Variants in AKAP1 observed in about 807,000 individuals in gnomAD.
AKAP1 encodes A-kinase anchor protein 1, mitochondrial.
In AKAP1, 32 loss-of-function variants were observed where a neutral mutation model predicts 79.8. The ratio of observed to expected loss-of-function variants is 0.40; its 90% CI spans 0.30 to 0.54. The LOEUF is 0.54. Ranked by LOEUF, AKAP1 falls within the 20% of genes least tolerant of loss-of-function variation. AKAP1 has a pLI of 0.47. For missense variants in AKAP1, 961 were observed against 1,138.9 expected (o/e 0.84, Z 2.25); for synonymous variants, 416 against 466.7 (o/e 0.89, Z 1.40).
At chr17:57,117,106 C>G (rs1055198564) in intron 8 of AKAP1, among the ~76,000 whole-genome samples, 179 bp downstream of exon 8, 2 of 152,198 alleles carry the variant, frequency 1.3e-5, no homozygotes, top group African/African-American at 4.8e-5. Context: ...TATCAAGTTC[C>G]CAGGTGAGAC....
rs72843416 is a variant in AKAP1 at position 57,086,466 on chromosome 17, C to T, written c.-25+1068C>T. On this transcript the variant is annotated intron_variant, in intron 1 of 10. Coordinates refer to ENST00000337714, the MANE Select transcript of AKAP1 (RefSeq NM_003488.4). The surrounding 1 kb of genome is among the most constrained non-coding windows in gnomAD (Gnocchi z 5.1). ...GCCCTGGGCGTTTCGGGATCTTCCT[C>T]TCCTGGGGGATGTCCTGGGTGGCGG... 39,202 of 456,020 alleles carry T rather than the reference C, an allele frequency of 0.086. 2,099 individuals carry two copies. Among genetic ancestry groups the T allele is most frequent in the Non-Finnish European group, 0.11 (25,371 of 226,670 alleles). The allele number at this position is 456,020 out of a possible 1,614,324, so 28.2% of individuals were successfully genotyped here.
Position 57,105,585 on chromosome 17 carries a change from G to C in AKAP1, c.121G>C (p.Val41Leu), listed in dbSNP as rs758593153. The C allele has an allele frequency of 1.9e-6, 3 of 1,614,146 alleles. No individual in the cohort carries two copies. The highest frequency in any genetic ancestry group is 3.3e-5 in the Admixed American group (2 of 60,022). The change falls in exon 2 of 11, where the codon GTG becomes CTG. Residue 41 changes from valine (V) to leucine (L), a missense_variant. Val to Leu is a conservative substitution (Grantham distance 32, BLOSUM62 1). Coordinates refer to ENST00000337714, the MANE Select transcript of AKAP1 (RefSeq NM_003488.4). ...GHVSSHDEQQ[V>L]EAGAVQLRAD... ...TGTCAGCAGCCATGATGAGCAGCAGGTGGAGGCTGGTGCTGTGCAGCTGAG... is the reference window on the plus strand; with the variant it reads ...TGTCAGCAGCCATGATGAGCAGCAGCTGGAGGCTGGTGCTGTGCAGCTGAG...
chr17:57,101,568 C>T (rs1914516608), intron 1 of AKAP1: 1 of 152,176 alleles, frequency 6.6e-6, no homozygotes, highest in South Asian at 2.1e-4. Flanking sequence ...CTGCTGGGGT[C>T]TCACTCTAAG....
intron 10 of AKAP1, among the ~76,000 whole-genome samples, chr17:57,119,402 A>C (rs1193427480): frequency 6.6e-6 from 1 of 152,036 alleles, no homozygotes; most frequent in Non-Finnish European, 1.5e-5. Flanking sequence ...GAAAGCTTAG[A>C]TTTCTTCAGC....
Position 57,120,419 on chromosome 17 carries a change from C to A in AKAP1, c.*95C>A. 1 of 1,133,232 alleles carries A rather than the reference C, an allele frequency of 8.8e-7. No homozygotes were observed. The highest frequency in any genetic ancestry group is 1.3e-6 in the Non-Finnish European group (1 of 777,490). The allele number at this position is 1,133,232 out of a possible 1,614,324, so 70.2% of individuals were successfully genotyped here. A position where few individuals can be genotyped will look rare whatever the true frequency, so the allele number is the denominator to read the frequency against. On this transcript the variant is annotated 3_prime_UTR_variant, in exon 11 of 11. Coordinates refer to ENST00000337714, the MANE Select transcript of AKAP1 (RefSeq NM_003488.4). Reference sequence around the variant, plus strand: ...GAACATCGGAATAACAAACATTGTCCTCTCCAGAAAGTCCTTTCTTTCTCC... The same window carrying A: ...GAACATCGGAATAACAAACATTGTCATCTCCAGAAAGTCCTTTCTTTCTCC...
rs112732875 is a variant in AKAP1 at position 57,089,652 on chromosome 17, G to A, written c.-25+4254G>A. ...TCTAAAAGCTTAATTGTCTCAACTT[G>A]TAAATCTCTAAAGCATAACATGTTT... On this transcript the variant is annotated intron_variant, in intron 1 of 10. Transcript: ENST00000337714. Among the ~76,000 whole-genome samples the A allele has an allele frequency of 4.3e-3, 651 of 152,228 alleles. 2 individuals carry two copies. Among genetic ancestry groups the A allele is most frequent in the African/African-American group, 0.014 (568 of 41,538 alleles).
At position 57,114,604 on chromosome 17, in the gene AKAP1, C is replaced by G. The variant is rs1915466293; in HGVS notation, c.2249C>G (p.Pro750Arg). ...CAGATGTACCTCTGTTACTCTCAGC[C>G]TGGAATCCCCACCTTGCCCACCCCA... ...DQQMYLCYSQPGIPTLPTPVE... is the reference protein window; with the variant it reads ...DQQMYLCYSQRGIPTLPTPVE... Residue 750 changes from proline to arginine, a missense_variant, in exon 6 of 11, where the codon CCT (proline) becomes CGT (arginine). Physicochemically the swap from Pro to Arg is moderately radical, Grantham distance 103 (BLOSUM62 -2). This residue lies in a region of AKAP1 where 629 missense variants were observed against 781.1 expected (regional missense o/e 0.81). Transcript: ENST00000337714. The G allele has an allele frequency of 6.2e-7, 1 of 1,614,146 alleles. No individual in the cohort carries two copies. Among genetic ancestry groups the G allele is most frequent in the South Asian group, 1.1e-5 (1 of 91,066 alleles).
At chr17:57,112,710 C>T (rs1828448535) in intron 5 of AKAP1, 92 bp downstream of exon 5, 9 of 1,499,454 alleles carry the variant, frequency 6.0e-6, no homozygotes, top group Non-Finnish European at 6.3e-6. Context: ...GCTAAGAAGG[C>T]CAAGTGCACA....
At chr17:57,097,836 C>T (rs892348060) in intron 1 of AKAP1, among the ~76,000 whole-genome samples, 1 of 152,236 alleles carries the variant, frequency 6.6e-6, no homozygotes, top group Non-Finnish European at 1.5e-5. Flanking sequence ...TGACCAGGCC[C>T]AAGCCCACAT....
intron 1 of AKAP1, among the ~76,000 whole-genome samples, chr17:57,105,211 T>C (rs1204782893): frequency 6.6e-6 from 1 of 152,002 alleles, no homozygotes; most frequent in African/African-American, 2.4e-5. Flanking sequence ...AGAGGGTGCG[T>C]GAGTTGGGGA....
At position 57,107,095 on chromosome 17, in the gene AKAP1, G is replaced by A. The variant is rs1203586515; in HGVS notation, c.1631G>A (p.Ser544Asn). The A allele has an allele frequency of 1.9e-6, 3 of 1,614,096 alleles. No individual in the cohort carries two copies. Among genetic ancestry groups the A allele is most frequent in the Non-Finnish European group, 2.5e-6 (3 of 1,180,036 alleles). The change falls in exon 2 of 11, where the codon AGC (serine) becomes AAC (asparagine). Residue 544 changes from serine (S) to asparagine (N), a missense_variant. Ser to Asn is a conservative substitution (Grantham distance 46). Around this residue, in one of 3 missense-constraint regions of AKAP1, gnomAD observed 629 missense variants for 781.1 expected, o/e 0.81. Transcript: ENST00000337714. ...PPLPESTVPF[S>N]NGVLKGELSD... The stretch of plus-strand genomic sequence containing the variant: ...CTGCCAGAAAGTACTGTGCCCTTCA[G>A]CAATGGGGTGCTGAAGGGGGAGTTG...
At chr17:57,117,049 G>A (rs757519809) in intron 8 of AKAP1, 122 bp downstream of exon 8, 1 of 1,021,390 alleles carries the variant, frequency 9.8e-7, no homozygotes, top group Non-Finnish European at 1.5e-6. Context: ...CCACTCAAGA[G>A]TTTCTGACTG....
At chr17:57,089,855 AG>A (rs1361016062) in intron 1 of AKAP1, among the ~76,000 whole-genome samples, 1 of 152,234 alleles carries the variant, frequency 6.6e-6, no homozygotes, top group Non-Finnish European at 1.5e-5. Context: ...CGTGAAGCAA[AG>A]GTCCAGATGC....
At chr17:57,097,089 C>T (rs957229915) in intron 1 of AKAP1, among the ~76,000 whole-genome samples, 1 of 152,094 alleles carries the variant, frequency 6.6e-6, no homozygotes, top group Admixed American at 6.6e-5. Context: ...CTCTTTGTCT[C>T]GCCTGACCAG....
At position 57,111,840 on chromosome 17, in the gene AKAP1, A is replaced by G; in HGVS notation, c.1891A>G (p.Ser631Gly). 6 of 1,614,066 alleles carry G rather than the reference A, an allele frequency of 3.7e-6. No homozygotes were observed. The highest frequency in any genetic ancestry group is 5.1e-6 in the Non-Finnish European group (6 of 1,180,032). ...AATTGGCAAGCAGGGGCGCTATGTG[A>G]GTTTTCTGAAGCAAACATCTGGTGC... Reference protein sequence around the residue: ...RLIGKQGRYVSFLKQTSGAKI... With the variant: ...RLIGKQGRYVGFLKQTSGAKI... Residue 631 changes from serine to glycine, a missense_variant, in exon 4 of 11, where the codon AGT (serine) becomes GGT (glycine). Physicochemically the swap from Ser to Gly is moderately conservative, Grantham distance 56. Around this residue, in one of 3 missense-constraint regions of AKAP1, gnomAD observed 629 missense variants for 781.1 expected, o/e 0.81. Transcript: ENST00000337714.
chr17:57,106,754 A>G lies in AKAP1; in HGVS notation c.1290A>G (p.Pro430=). The G allele has an allele frequency of 2.5e-6, 4 of 1,613,980 alleles. No homozygotes were observed. The highest frequency in any genetic ancestry group is 3.4e-6 in the Non-Finnish European group (4 of 1,180,032). ...CAGGCCTACCAGCAGAGGGCTCACC[A>G]CCACCAAAGACCTACGTGAGCTGCC... ...PLPGLPAEGS[P]PPKTYVSCLK... is the part of the protein sequence containing the mutation. Residue 430 remains proline, a synonymous_variant, in exon 2 of 11, where the codon CCA becomes CCG. Coordinates refer to ENST00000337714, the MANE Select transcript of AKAP1 (RefSeq NM_003488.4).
rs1914922525 is a variant in AKAP1 at position 57,106,930 on chromosome 17, C to T, written c.1466C>T (p.Thr489Ile). ...GILVEDATCV[T>I]CMSDSSQSVP... ...CTGGTGGAAGATGCCACCTGTGTCACCTGCATGTCAGACAGCAGCCAAAGT... is the reference window on the plus strand; with the variant it reads ...CTGGTGGAAGATGCCACCTGTGTCATCTGCATGTCAGACAGCAGCCAAAGT... Residue 489 changes from threonine (T) to isoleucine (I), a missense_variant, in exon 2 of 11, where the codon ACC becomes ATC. This residue lies in a region of AKAP1 where 629 missense variants were observed against 781.1 expected (regional missense o/e 0.81). Coordinates refer to ENST00000337714, the MANE Select transcript of AKAP1 (RefSeq NM_003488.4). 3.1e-6 allele frequency: 5 copies of T among 1,613,936 alleles called. No homozygotes were observed. Among genetic ancestry groups the T allele is most frequent in the Admixed American group, 1.7e-5 (1 of 60,012 alleles).
chr17:57,093,558 A>G (rs1913908922), intron 1 of AKAP1: 1 of 152,324 alleles, frequency 6.6e-6, no homozygotes, highest in South Asian at 2.1e-4. Context: ...TTATAGGAAA[A>G]TAAGGCCTTA....
chr17:57,095,994 C>T (rs529642060), intron 1 of AKAP1: 1 of 152,184 alleles, frequency 6.6e-6, no homozygotes, highest in East Asian at 1.9e-4. Flanking sequence ...TTTTAAAATC[C>T]ACACCCCTAC....
Sources: gnomAD v4.1 joint callset for allele counts (sites outside exome capture counted in the v4.1 genomes callset) on GRCh38, gnomAD v4.1.1 for gene constraint, gnomAD v4.1.1 regional missense constraint, Gnocchi (gnomAD v3.1) non-coding constraint, MANE v1.5 for transcripts, NCBI Gene and HGNC (gene_info 2026-07-23, HGNC 2026-07-21) for gene names.